Variants in ASMT observed in about 807,000 individuals in gnomAD.
ASMT encodes acetylserotonin O-methyltransferase.
Under a neutral mutation model 41.3 loss-of-function variants are expected in ASMT, and 53 were observed. That is an observed-to-expected ratio of 1.28 (90% CI 1.03 to 1.61). The LOEUF (loss-of-function observed/expected upper bound fraction) is 1.61, where lower values mean the gene tolerates loss of function less well. Among genes scored for constraint, ASMT ranks in the 40% most tolerant of loss-of-function variants. The pLI, the probability that ASMT is intolerant of heterozygous loss-of-function variation, is 0.00. For synonymous variants in ASMT, 231 were observed against 184.8 expected (o/e 1.25, Z -2.03); for missense variants, 531 against 441.3 (o/e 1.20, Z -1.82).
chrX:1,641,647 CCA>C, intron 8 of ASMT, among the ~76,000 whole-genome samples: 1 of 147,908 alleles, frequency 6.8e-6, no homozygotes, highest in African/African-American at 2.5e-5. Context: ...TGAGGTCCAC[CCA>C]TCCTGGTGGT....
At chrX:1,632,377 C>T (rs763208416) in intron 5 of ASMT, among the ~76,000 whole-genome samples, 24 of 152,002 alleles carry the variant, frequency 1.6e-4, no homozygotes, top group African/African-American at 5.3e-4. Context: ...TTCGGCCGGG[C>T]GCGGTGGCTC....
intron 3 of ASMT, among the ~76,000 whole-genome samples, chrX:1,624,721 C>T (rs1464588412): frequency 8.1e-5 from 4 of 49,446 alleles, no homozygotes; most frequent in Non-Finnish European, 1.4e-4. Flanking sequence ...GGGGGCTGAC[C>T]CCAGGCAGAT....
At chrX:1,617,099 G>C (rs1220643801) in intron 1 of ASMT, among the ~76,000 whole-genome samples, 2 of 152,164 alleles carry the variant, frequency 1.3e-5, no homozygotes, top group Non-Finnish European at 2.9e-5. Flanking sequence ...CTTAAGCCTA[G>C]GAGATGAAGG....
At chrX:1,615,991 G>C (rs1246324697) in intron 1 of ASMT, among the ~76,000 whole-genome samples, 1 of 152,042 alleles carries the variant, frequency 6.6e-6, no homozygotes, top group Non-Finnish European at 1.5e-5. Flanking sequence ...ATAGAGGTGA[G>C]TTTTGAGGGT....
chrX:1,627,309 C>T (rs1253631962), intron 3 of ASMT, among the ~76,000 whole-genome samples: 1 of 124,410 alleles, frequency 8.0e-6, no homozygotes, highest in South Asian at 2.6e-4. Context: ...CTGGGCGACA[C>T]AGCGAGACTC....
At chrX:1,616,015 A>G (rs1390623558) in intron 1 of ASMT, among the ~76,000 whole-genome samples, 1 of 150,198 alleles carries the variant, frequency 6.7e-6, no homozygotes, top group Non-Finnish European at 1.5e-5. Context: ...CCCGTAGAGG[A>G]GCAACACCTC....
Position 1,640,456 on chromosome X carries a change from A to T in ASMT, c.911-2347A>T, listed in dbSNP as rs865779846. 2.1e-3 allele frequency among the ~76,000 whole-genome samples: 78 copies of T among 37,606 alleles called. 4 individuals are homozygous for T. Among genetic ancestry groups the T allele is most frequent in the Admixed American group, 4.5e-3 (16 of 3,532 alleles). 24.7% of individuals were successfully genotyped at this position (37,606 alleles called of 152,430 possible). A position where few individuals can be genotyped will look rare whatever the true frequency, so the allele number is the denominator to read the frequency against. On this transcript the variant is annotated intron_variant, in intron 8 of 8. Coordinates refer to ENST00000381241, the MANE Select transcript of ASMT (RefSeq NM_001171038.2). ...GATGTGGGCACAGCCTCTGTGTGTG[A>T]GATAGGGACCATGTCCCAGCTCTCC...
chrX:1,630,932 A>G (rs561622046), intron 5 of ASMT, among the ~76,000 whole-genome samples: 104 of 135,246 alleles, frequency 7.7e-4, no homozygotes, highest in African/African-American at 2.9e-3. Context: ...TTTTTTTGAG[A>G]TGGAGTCTTG....
intron 1 of ASMT, among the ~76,000 whole-genome samples, chrX:1,619,462 G>C (rs1345898146): frequency 1.3e-5 from 2 of 150,022 alleles, no homozygotes; most frequent in Non-Finnish European, 3.0e-5. Flanking sequence ...GTAGGTGACG[G>C]GTTGACAGGT....
Position 1,615,184 on chromosome X carries a change from C to G in ASMT, c.-16C>G, listed in dbSNP as rs768909498. The stretch of plus-strand genomic sequence containing the variant: ...GCTCCAGAGGCTCCGGAAGCCACGG[C>G]TGGATTGGAGACAAGATGGGATCCT... On this transcript the variant is annotated 5_prime_UTR_variant, in exon 1 of 9. Coordinates refer to ENST00000381241, the MANE Select transcript of ASMT (RefSeq NM_001171038.2). The G allele has an allele frequency of 6.3e-7, 1 of 1,584,610 alleles. No individual in the cohort carries two copies. Among genetic ancestry groups the G allele is most frequent in the Non-Finnish European group, 8.6e-7 (1 of 1,165,648 alleles).
At chrX:1,636,746 C>A in intron 8 of ASMT, 186 bp downstream of exon 8, 1 of 389,462 alleles carries the variant, frequency 2.6e-6, no homozygotes, top group Non-Finnish European at 3.5e-6. Flanking sequence ...ATTGATAAAA[C>A]CACATAAAGA....
intron 3 of ASMT, among the ~76,000 whole-genome samples, chrX:1,625,456 T>C (rs1934497352): frequency 1.4e-5 from 2 of 146,072 alleles, no homozygotes; most frequent in Admixed American, 7.1e-5. Context: ...ATTGTGCCAC[T>C]GCACTGCAGC....
In ASMT at chrX:1,632,332, G is replaced by A. The variant is rs145529490; in HGVS notation, c.563-372G>A. Among the ~76,000 whole-genome samples the A allele has an allele frequency of 7.5e-3, 1,148 of 152,152 alleles. 15 individuals are homozygous for A. The highest frequency in any genetic ancestry group is 0.025 in the African/African-American group (1,035 of 41,526). ...GGGGCCTGTAGACAATCACGTCACC[G>A]TCAAGATTAGACATGGTGGATAAAA... On this transcript the variant is annotated intron_variant, in intron 5 of 8. Coordinates refer to ENST00000381241, the MANE Select transcript of ASMT (RefSeq NM_001171038.2).
At chrX:1,628,924 C>CTCTT (rs1366046314) in intron 4 of ASMT, among the ~76,000 whole-genome samples, 14 of 121,896 alleles carry the variant, frequency 1.1e-4, no homozygotes, top group Non-Finnish European at 2.3e-4. Context: ...CCCCGTTTCT[C>CTCTT]TCTTTCTTTC....
Position 1,627,696 on chromosome X carries a change from T to C in ASMT, c.375-7T>C. On this transcript the variant is annotated splice_region_variant and splice_polypyrimidine_tract_variant and intron_variant, in intron 3 of 8. Coordinates refer to ENST00000381241, the MANE Select transcript of ASMT (RefSeq NM_001171038.2). Reference sequence around the variant, plus strand: ...AATGAAAATCAGCCTTCTCTCTCTTTTCTTAGAGAAGGAAGGAACCAGTAC... The same window carrying C: ...AATGAAAATCAGCCTTCTCTCTCTTCTCTTAGAGAAGGAAGGAACCAGTAC... 1 of 1,610,534 alleles carries C rather than the reference T, an allele frequency of 6.2e-7. No individual in the cohort carries two copies. Among genetic ancestry groups the C allele is most frequent in the South Asian group, 1.1e-5 (1 of 91,014 alleles).
intron 4 of ASMT, among the ~76,000 whole-genome samples, chrX:1,628,590 C>A (rs1261598146): frequency 6.6e-6 from 1 of 150,688 alleles, no homozygotes. Context: ...CTCCTCTCCT[C>A]CCCTGCTCTC....
At chrX:1,628,937 T>C (rs1390008192) in intron 4 of ASMT, among the ~76,000 whole-genome samples, 1 of 127,336 alleles carries the variant, frequency 7.9e-6, no homozygotes, top group Non-Finnish European at 1.7e-5. Flanking sequence ...TTTCTTTCTC[T>C]CTCTCTTTCT....
chrX:1,635,758 A>T (rs1934935189), intron 7 of ASMT, among the ~76,000 whole-genome samples: 1 of 151,662 alleles, frequency 6.6e-6, no homozygotes, highest in African/African-American at 2.4e-5. Context: ...GCTACTCAGG[A>T]GGCTGAGGCA....
Position 1,633,289 on chromosome X carries a change from AGGTGTGTTTGT to A in ASMT, c.787+1_787+11del. The A allele has an allele frequency of 6.2e-7, 1 of 1,613,876 alleles. No individual in the cohort carries two copies. The highest frequency in any genetic ancestry group is 8.5e-7 in the Non-Finnish European group (1 of 1,179,844). On this transcript the variant is annotated splice_donor_variant and splice_donor_5th_base_variant and coding_sequence_variant and intron_variant, in exon 7 of 9. Transcript: ENST00000381241. LOFTEE classifies it high-confidence loss of function. ...AGGAAGAACAGATTGACTTCCAGGA[AGGTGTGTTTGT>A]GTCCGTGGGGAAGCAGAGATGTGTC...
Sources: gnomAD v4.1 joint callset for allele counts (sites outside exome capture counted in the v4.1 genomes callset) on GRCh38, gnomAD v4.1.1 for gene constraint, MANE v1.5 for transcripts, NCBI Gene and HGNC (gene_info 2026-07-23, HGNC 2026-07-21) for gene names.